The following LOXHD1 variants were observed in gnomAD, a reference collection of about 807,000 sequenced individuals.
LOXHD1 encodes lipoxygenase homology domain-containing protein 1.
In LOXHD1, 205 loss-of-function variants were observed where a neutral mutation model predicts 248.2. That is an observed-to-expected ratio of 0.83 (90% CI 0.74 to 0.93). LOXHD1 has a LOEUF of 0.93. Among genes scored for constraint, LOXHD1 ranks in the 40% least tolerant of loss-of-function variants. The probability of loss-of-function intolerance (pLI) is 0.00; values close to 1 mark genes in which losing one functional copy is unlikely to be tolerated. For synonymous variants in LOXHD1, 1,113 were observed against 1,162.8 expected (o/e 0.96, Z 0.87); for missense variants, 2,930 against 2,971.6 (o/e 0.99, Z 0.33).
At chr18:46,562,146 T>C (rs1174742487) in intron 18 of LOXHD1, among the ~76,000 whole-genome samples, 2 of 152,204 alleles carry the variant, frequency 1.3e-5, no homozygotes, top group Non-Finnish European at 2.9e-5. Flanking sequence ...GCTAAAATAC[T>C]TGGTCCTCTG....
chr18:46,486,910 A>C (rs1209982947), intron 38 of LOXHD1, among the ~76,000 whole-genome samples: 1 of 152,186 alleles, frequency 6.6e-6, no homozygotes, highest in African/African-American at 2.4e-5. Context: ...TTTGAGAGGA[A>C]GTTTCAATCA....
In LOXHD1 at chr18:46,601,416, G is replaced by C; in HGVS notation, c.935C>G (p.Thr312Ser). ...VFTGDVRGAG[T>S]KSKIYLVMYG... Reference sequence around the variant, plus strand: ...CATGACCAAGTAGATTTTGGATTTGGTACCAGCCCCCCGGACATCCCCAGT... The same window carrying C: ...CATGACCAAGTAGATTTTGGATTTGCTACCAGCCCCCCGGACATCCCCAGT... The change falls in exon 8 of 41, where the codon ACC (threonine) becomes AGC (serine). Residue 312 changes from threonine to serine, a missense_variant. Thr to Ser is a moderately conservative substitution (Grantham distance 58). Transcript: ENST00000642948. 6.4e-7 allele frequency: 1 copy of C among 1,551,654 alleles called. No individual in the cohort carries two copies. The highest frequency in any genetic ancestry group is 8.7e-7 in the Non-Finnish European group (1 of 1,146,980).
intron 12 of LOXHD1, among the ~76,000 whole-genome samples, chr18:46,587,336 A>C (rs567766873): frequency 9.2e-5 from 14 of 152,292 alleles, no homozygotes; most frequent in African/African-American, 3.4e-4. Flanking sequence ...GCCTGGCTTC[A>C]CTCTTAATTA....
chr18:46,522,127 C>T lies in LOXHD1; in HGVS notation c.5059G>A (p.Asp1687Asn), dbSNP rs2035605954. ...SVEEFYVAGL[D>N]VGIIKKIELG... is the part of the protein sequence containing the mutation. ...TCTATTTTCTTGATGATGCCCACAT[C>T]CAAGCCTGCGACGTAGAACTCCTCC... The change falls in exon 32 of 41, where the codon GAT (aspartate) becomes AAT (asparagine). Residue 1687 changes from aspartate to asparagine, a missense_variant. Physicochemically the swap from Asp to Asn is conservative, Grantham distance 23. Coordinates refer to ENST00000642948, the MANE Select transcript of LOXHD1 (RefSeq NM_001384474.1). 1 of 1,550,856 alleles carries T rather than the reference C, an allele frequency of 6.4e-7. No individual in the cohort carries two copies. The highest frequency in any genetic ancestry group is 8.7e-7 in the Non-Finnish European group (1 of 1,146,612).
intron 21 of LOXHD1, among the ~76,000 whole-genome samples, chr18:46,553,861 A>G (rs530786614): frequency 1.3e-5 from 2 of 152,354 alleles, no homozygotes; most frequent in Admixed American, 1.3e-4. Flanking sequence ...ACAGGGAGCC[A>G]CTGGGGGAAG....
At chr18:46,518,056 C>T in intron 34 of LOXHD1, 73 bp downstream of exon 34, 2 of 1,539,370 alleles carry the variant, frequency 1.3e-6, no homozygotes, top group Non-Finnish European at 8.8e-7. Context: ...ATCAGCCTGG[C>T]TGAAGGCAGG....
At chr18:46,600,678 C>T (rs1405343850) in intron 8 of LOXHD1, among the ~76,000 whole-genome samples, 5 of 151,964 alleles carry the variant, frequency 3.3e-5, no homozygotes, top group African/African-American at 1.2e-4. Flanking sequence ...CAAGCTTATA[C>T]ATAGACAAAA....
chr18:46,647,943 G>A (rs536623939), intron 2 of LOXHD1, among the ~76,000 whole-genome samples: 2 of 152,300 alleles, frequency 1.3e-5, no homozygotes, highest in Non-Finnish European at 2.9e-5. Context: ...GTGGTCAAGG[G>A]AAATGTCTAC....
chr18:46,529,421 C>G, intron 28 of LOXHD1, 90 bp from the exon 29 acceptor site: 1 of 1,431,482 alleles, frequency 7.0e-7, no homozygotes, highest in Non-Finnish European at 9.3e-7. Flanking sequence ...GTAGGAGGTG[C>G]TAAGCTTCTG....
rs866219682 is a variant in LOXHD1 at position 46,541,839 on chromosome 18, C to T, written c.3850G>A (p.Asp1284Asn). The T allele has an allele frequency of 1.3e-6, 2 of 1,551,728 alleles. No individual in the cohort carries two copies. Among genetic ancestry groups the T allele is most frequent in the South Asian group, 2.4e-5 (2 of 84,064 alleles). Residue 1284 changes from aspartate to asparagine, a missense_variant, in exon 25 of 41, where the codon GAC (aspartate) becomes AAC (asparagine). By Grantham distance (23) the Asp-to-Asn change is conservative. Transcript: ENST00000642948. ...AGGTCTCTGATGATGGACCCGTCGT[C>T]TTCGTTTTTGGCCAGCCAGCGGCCA... ...PCGRWLAKNE[D>N]DGSIIRDLFH...
chr18:46,559,385 T>C (rs1402733818), intron 20 of LOXHD1, 63 bp downstream of exon 20: 3 of 1,550,938 alleles, frequency 1.9e-6, no homozygotes, highest in African/African-American at 2.7e-5. Flanking sequence ...TGGGCTGCCA[T>C]GGGAATCTCA....
intron 8 of LOXHD1, among the ~76,000 whole-genome samples, chr18:46,596,382 T>C (rs1359047400): frequency 2.0e-5 from 3 of 151,604 alleles, no homozygotes; most frequent in African/African-American, 4.9e-5. Context: ...ACCCAGAGAG[T>C]AGGCAAATGT....
At chr18:46,587,726 C>G (rs973709238) in intron 12 of LOXHD1, among the ~76,000 whole-genome samples, 1 of 152,192 alleles carries the variant, frequency 6.6e-6, no homozygotes, top group African/African-American at 2.4e-5. Context: ...TGGCCTCTTG[C>G]CCACTCATCA....
chr18:46,611,392 C>T (rs117910618), intron 5 of LOXHD1, among the ~76,000 whole-genome samples: 18 of 152,310 alleles, frequency 1.2e-4, no homozygotes, highest in Non-Finnish European at 2.6e-4. Flanking sequence ...GGGTTTTACT[C>T]TCATTTATTC....
intron 12 of LOXHD1, among the ~76,000 whole-genome samples, chr18:46,590,824 T>G (rs917301279): frequency 2.6e-5 from 4 of 152,190 alleles, no homozygotes; most frequent in African/African-American, 9.7e-5. Flanking sequence ...CAGCTCCTTA[T>G]CTGCATCAGG....
chr18:46,533,113 G>A, intron 28 of LOXHD1, 49 bp downstream of exon 28: 2 of 1,542,664 alleles, frequency 1.3e-6, no homozygotes, highest in Non-Finnish European at 1.8e-6. Context: ...AGGAGGACCA[G>A]GGTCCTGGAG....
At chr18:46,563,371 G>A (rs1367741446) in intron 17 of LOXHD1, 146 bp from the exon 18 acceptor site, 2 of 757,078 alleles carry the variant, frequency 2.6e-6, no homozygotes, top group Non-Finnish European at 3.9e-6. Flanking sequence ...TCAACACCCT[G>A]AGTAAGCACA....
chr18:46,570,470 A>G (rs1164684645), intron 15 of LOXHD1, among the ~76,000 whole-genome samples: 1 of 152,198 alleles, frequency 6.6e-6, no homozygotes, highest in East Asian at 1.9e-4. Flanking sequence ...AAGTCAGCTG[A>G]GCACACCTTG....
chr18:46,559,049 C>T, intron 20 of LOXHD1: 1 of 902,064 alleles, frequency 1.1e-6, no homozygotes. Context: ...CCACTGTTGC[C>T]TTTATATGTC....
Sources: allele counts gnomAD v4.1 joint callset (sites outside exome capture counted in the v4.1 genomes callset), GRCh38; gene constraint gnomAD v4.1.1; transcripts MANE v1.5; gene names NCBI Gene and HGNC (gene_info 2026-07-23, HGNC 2026-07-21).